TNRC6A: variants seen among roughly 807,000 people sequenced by gnomAD.
The protein encoded by TNRC6A is trinucleotide repeat-containing gene 6A protein.
Under a neutral mutation model 221.2 loss-of-function variants are expected in TNRC6A, and 44 were observed. That is an observed-to-expected ratio of 0.20 (90% CI 0.16 to 0.26). TNRC6A has a LOEUF of 0.26. TNRC6A is among the 10% of genes least tolerant of loss of function. The pLI, the probability that TNRC6A is intolerant of heterozygous loss-of-function variation, is 1.00. For synonymous variants in TNRC6A, 847 were observed against 838.5 expected (o/e 1.01, Z -0.18); for missense variants, 2,199 against 2,404.4 (o/e 0.91, Z 1.79).
At chr16:24,614,405 G>C (rs150427393) in intron 1 of TNRC6A, among the ~76,000 whole-genome samples, 1 of 152,204 alleles carries the variant, frequency 6.6e-6, no homozygotes, top group South Asian at 2.1e-4. Flanking sequence ...AATTCAAAAG[G>C]CTAATAAGCT....
chr16:24,639,836 T>C (rs1901843464), intron 1 of TNRC6A, among the ~76,000 whole-genome samples: 1 of 152,112 alleles, frequency 6.6e-6, no homozygotes, highest in Admixed American at 6.6e-5. Flanking sequence ...TGTCTGTTTT[T>C]TGTAGAAATG....
intron 11 of TNRC6A, among the ~76,000 whole-genome samples, chr16:24,800,959 GATATATTTTC>G (rs2058319799): frequency 6.6e-6 from 1 of 152,158 alleles, no homozygotes; most frequent in African/African-American, 2.4e-5. Context: ...AAAGAGTCCA[GATATATTTTC>G]ATAGAGCAGT....
intron 5 of TNRC6A, among the ~76,000 whole-genome samples, chr16:24,786,988 A>G (rs2057987558): frequency 6.6e-6 from 1 of 152,152 alleles, no homozygotes; most frequent in Non-Finnish European, 1.5e-5. Context: ...GCCTGGTACT[A>G]ATACTGTTTC....
intron 2 of TNRC6A, among the ~76,000 whole-genome samples, chr16:24,731,704 C>T (rs1281083133): frequency 6.6e-6 from 1 of 152,164 alleles, no homozygotes; most frequent in African/African-American, 2.4e-5. Flanking sequence ...AGTATAATTC[C>T]TATGAAGGTG....
chr16:24,657,564 C>A (rs1157970696), intron 2 of TNRC6A, among the ~76,000 whole-genome samples: 1 of 151,898 alleles, frequency 6.6e-6, no homozygotes, highest in African/African-American at 2.4e-5. Context: ...CAAAAAGTAA[C>A]CAGCCATGAT....
intron 5 of TNRC6A, 26 bp downstream of exon 5, chr16:24,777,384 C>G (rs1341193605): frequency 2.5e-6 from 4 of 1,588,870 alleles, no homozygotes; most frequent in Non-Finnish European, 3.4e-6. Context: ...TCTTACGAGA[C>G]TCACACCTTA....
At position 24,804,995 on chromosome 16, in the gene TNRC6A, T is replaced by C. The variant is rs767252572; in HGVS notation, c.3985-19T>C. On this transcript the variant is annotated intron_variant, in intron 13 of 24. Coordinates refer to ENST00000395799, the MANE Select transcript of TNRC6A (RefSeq NM_014494.4). ...CCCTAAAGAATCCCACTGTTACTTG[T>C]TGCTGTTTGTTTTTATAGAATGGCA... 6.2e-7 allele frequency: 1 copy of C among 1,614,228 alleles called. No homozygotes were observed. Among genetic ancestry groups the C allele is most frequent in the Non-Finnish European group, 8.5e-7 (1 of 1,180,030 alleles).
At chr16:24,677,905 G>A (rs1567349066) in intron 2 of TNRC6A, among the ~76,000 whole-genome samples, 1 of 152,104 alleles carries the variant, frequency 6.6e-6, no homozygotes. Context: ...TGTTTTGGTA[G>A]GTGTCCTGCA....
intron 21 of TNRC6A, chr16:24,819,786 A>C (rs1451268932): frequency 4.5e-6 from 1 of 221,952 alleles, no homozygotes; most frequent in East Asian, 1.2e-4. Context: ...AAATTCACTT[A>C]AATGGCCTTT....
intron 2 of TNRC6A, among the ~76,000 whole-genome samples, chr16:24,722,665 CCCAAATGATCCA>C (rs1356977212): frequency 6.6e-6 from 1 of 151,912 alleles, no homozygotes; most frequent in African/African-American, 2.4e-5. Flanking sequence ...AACTCCTGAC[CCCAAATGATCCA>C]CCTGCCTCGG....
At chr16:24,618,967 T>C (rs994853779) in intron 1 of TNRC6A, among the ~76,000 whole-genome samples, 5 of 152,162 alleles carry the variant, frequency 3.3e-5, no homozygotes, top group African/African-American at 1.2e-4. Flanking sequence ...CAGTAGTTCA[T>C]ATATAAAAGC....
intron 11 of TNRC6A, among the ~76,000 whole-genome samples, chr16:24,800,948 TAA>T (rs769548969): frequency 4.6e-5 from 7 of 152,112 alleles, no homozygotes; most frequent in Non-Finnish European, 7.4e-5. Flanking sequence ...GGAAAAAATG[TAA>T]AGAGTCCAGA....
intron 21 of TNRC6A, 82 bp downstream of exon 21, chr16:24,818,782 C>A: frequency 9.7e-7 from 1 of 1,030,420 alleles, no homozygotes. Context: ...CTTCTTTCGT[C>A]CAGTCTTCTC....
At chr16:24,675,698 CTCTCTATATATATATATA>C (rs1175051027) in intron 2 of TNRC6A, among the ~76,000 whole-genome samples, 12 of 66,600 alleles carry the variant, frequency 1.8e-4, no homozygotes, top group South Asian at 1.2e-3. Context: ...CTCTCTCTCT[CTCTCTATATATATATATA>C]TATATATATA....
At chr16:24,673,128 C>T (rs927529948) in intron 2 of TNRC6A, among the ~76,000 whole-genome samples, 6 of 151,984 alleles carry the variant, frequency 3.9e-5, no homozygotes, top group Non-Finnish European at 5.9e-5. Flanking sequence ...TTGCTCGAGG[C>T]CAGGAGTTTG....
At chr16:24,730,096 G>T (rs2056589307) in intron 1 of TNRC6A, among the ~76,000 whole-genome samples, 157 bp from the exon 2 acceptor site, 1 of 150,324 alleles carries the variant, frequency 6.7e-6, no homozygotes. Flanking sequence ...AGTCCGGGCT[G>T]CAGCCCCGCA....
chr16:24,691,190 A>T (rs893469233), intron 2 of TNRC6A, among the ~76,000 whole-genome samples: 1 of 152,010 alleles, frequency 6.6e-6, no homozygotes, highest in African/African-American at 2.4e-5. Context: ...CCTGCTCTCA[A>T]GCCCTGACTA....
intron 2 of TNRC6A, among the ~76,000 whole-genome samples, chr16:24,675,286 A>G (rs1308342248): frequency 1.3e-5 from 2 of 152,238 alleles, no homozygotes; most frequent in Non-Finnish European, 2.9e-5. Flanking sequence ...AAGTACAAAA[A>G]GATATTTTGC....
chr16:24,669,940 A>AATTTTTTTTTTTTTTTTT, intron 2 of TNRC6A, among the ~76,000 whole-genome samples: 2 of 22,398 alleles, frequency 8.9e-5, no homozygotes, highest in South Asian at 1.9e-3. Flanking sequence ...TGAGGCAGCT[A>AATTTTTTTTTTTTTTTTT]CTTTTTTTTT....
Sources: gnomAD v4.1 joint callset for allele counts (sites outside exome capture counted in the v4.1 genomes callset) on GRCh38, gnomAD v4.1.1 for gene constraint, MANE v1.5 for transcripts, NCBI Gene and HGNC (gene_info 2026-07-23, HGNC 2026-07-21) for gene names.